The following GABRA3 variants were observed in gnomAD, a reference collection of about 807,000 sequenced individuals.
GABRA3 encodes gamma-aminobutyric acid type A receptor subunit alpha3.
A neutral mutation model predicts 30.1 loss-of-function variants in GABRA3; 10 were observed. That is an observed-to-expected ratio of 0.33 (90% CI 0.20 to 0.56). GABRA3 has a LOEUF of 0.56. Among genes scored for constraint, GABRA3 ranks in the 20% least tolerant of loss-of-function variants. The pLI is 0.89. For missense variants in GABRA3, 233 were observed against 392.0 expected (o/e 0.59, Z 3.42); for synonymous variants, 151 against 146.8 (o/e 1.03, Z -0.21).
chrX:152,449,632 C>G (rs751254458), intron 1 of GABRA3, among the ~76,000 whole-genome samples: 2 of 111,009 alleles, frequency 1.8e-5, no homozygotes, highest in Admixed American at 9.6e-5. Context: ...TTACTCTACA[C>G]GAAAGCCAGG....
In GABRA3 at chrX:152,397,547, T is replaced by G. The variant is rs186989699; in HGVS notation, c.-26-32951A>C. On this transcript the variant is annotated intron_variant, in intron 1 of 9. Coordinates refer to ENST00000370314, the MANE Select transcript of GABRA3 (RefSeq NM_000808.4). ...AAACAAACTCTACTTATTACTACCC[T>G]CTTAAAGTCCTCTTCACTCCAGACT... Among the ~76,000 whole-genome samples, 44 of 111,640 alleles carry G rather than the reference T, an allele frequency of 3.9e-4. No individual in the cohort carries two copies. In the East Asian group the frequency reaches 0.011, roughly 28 times the overall value.
At chrX:152,206,544 G>C in intron 7 of GABRA3, among the ~76,000 whole-genome samples, 1 of 111,710 alleles carries the variant, frequency 9.0e-6, no homozygotes, top group Middle Eastern at 4.6e-3. Flanking sequence ...CAATGCCCCT[G>C]CTTCACCTTC....
At chrX:152,328,684 T>C (rs1461042096) in intron 3 of GABRA3, among the ~76,000 whole-genome samples, 3 of 111,710 alleles carry the variant, frequency 2.7e-5, no homozygotes, top group African/African-American at 6.5e-5. Flanking sequence ...AAACTAGGTA[T>C]TGATGGAATG....
intron 1 of GABRA3, among the ~76,000 whole-genome samples, chrX:152,417,424 G>T (rs1930255709): frequency 9.1e-6 from 1 of 110,373 alleles, no homozygotes; most frequent in African/African-American, 3.3e-5. Context: ...TACACTGTTG[G>T]TGGGACTGTA....
At chrX:152,289,805 C>T (rs1438527063) in intron 3 of GABRA3, among the ~76,000 whole-genome samples, 13 of 110,930 alleles carry the variant, frequency 1.2e-4, no homozygotes, top group Admixed American at 1.2e-3. Context: ...CTCAGAATGA[C>T]GGTTTCCAGC....
chrX:152,410,293 T>C, intron 1 of GABRA3, among the ~76,000 whole-genome samples: 1 of 111,018 alleles, frequency 9.0e-6, no homozygotes, highest in Non-Finnish European at 1.9e-5. Flanking sequence ...GAACAAGAGG[T>C]AGTATTTGAT....
chrX:152,298,962 T>G (rs1258421402), intron 3 of GABRA3, among the ~76,000 whole-genome samples: 2 of 111,756 alleles, frequency 1.8e-5, no homozygotes, highest in African/African-American at 6.5e-5. Context: ...ACTTCAATAT[T>G]TAAAATATTA....
intron 3 of GABRA3, among the ~76,000 whole-genome samples, chrX:152,327,934 C>T (rs1940092061): frequency 9.0e-6 from 1 of 110,848 alleles, no homozygotes; most frequent in Non-Finnish European, 1.9e-5. Flanking sequence ...GAAAGATCAA[C>T]AAAATTGATA....
At chrX:152,361,637 T>G (rs985416647) in intron 2 of GABRA3, among the ~76,000 whole-genome samples, 3 of 101,171 alleles carry the variant, frequency 3.0e-5, no homozygotes, top group East Asian at 3.0e-4. Flanking sequence ...TTTTTTGTGG[T>G]TTTTTTTTTT....
rs199519277 is a variant in GABRA3, at chrX:152,403,560, A to G, written c.-26-38964T>C. On this transcript the variant is annotated intron_variant, in intron 1 of 9. Coordinates refer to ENST00000370314, the MANE Select transcript of GABRA3 (RefSeq NM_000808.4). ...CTTGTGTGTGTGCACACGTGTGTGT[A>G]TGTGCACACGTGTGTGTGTGTGTGT... 4.2e-4 allele frequency among the ~76,000 whole-genome samples: 22 copies of G among 52,666 alleles called. No individual in the cohort carries two copies. The Admixed American group carries it at 4.6e-3, about 11-fold the overall frequency. 45.7% of individuals were successfully genotyped at this position (52,666 alleles called of 115,157 possible). A position where few individuals can be genotyped will look rare whatever the true frequency, so the allele number is the denominator to read the frequency against.
intron 3 of GABRA3, among the ~76,000 whole-genome samples, chrX:152,296,384 A>G (rs977251938): frequency 8.9e-6 from 1 of 112,055 alleles, no homozygotes; most frequent in Non-Finnish European, 1.9e-5. Flanking sequence ...TTGGGGACTA[A>G]GATACTATAA....
At chrX:152,272,368 A>G (rs777835160) in intron 4 of GABRA3, among the ~76,000 whole-genome samples, 1 of 112,518 alleles carries the variant, frequency 8.9e-6, no homozygotes, top group East Asian at 2.8e-4. Context: ...TGACTGCCCT[A>G]TTGGATTTTG....
chrX:152,408,361 T>C (rs953940470), intron 1 of GABRA3, among the ~76,000 whole-genome samples: 4 of 111,714 alleles, frequency 3.6e-5, no homozygotes, highest in Non-Finnish European at 7.5e-5. Context: ...AACTGATTTT[T>C]AAAAACTCAG....
intron 3 of GABRA3, among the ~76,000 whole-genome samples, chrX:152,337,004 CAG>C (rs1190343224): frequency 9.0e-6 from 1 of 111,497 alleles, no homozygotes; most frequent in African/African-American, 3.3e-5. Context: ...GTTATGGTTG[CAG>C]AGTGTTTGGT....
At chrX:152,402,261 G>A (rs1312105672) in intron 1 of GABRA3, among the ~76,000 whole-genome samples, 2 of 111,749 alleles carry the variant, frequency 1.8e-5, no homozygotes, top group African/African-American at 3.3e-5. Flanking sequence ...TGCAGACTGT[G>A]CCAACGCCTT....
intron 1 of GABRA3, among the ~76,000 whole-genome samples, chrX:152,428,607 A>G (rs1930571118): frequency 9.0e-6 from 1 of 111,394 alleles, no homozygotes; most frequent in Non-Finnish European, 1.9e-5. Context: ...TAGCATAGAT[A>G]CTGCCCAGGA....
chrX:152,349,172 C>T (rs1172147661), intron 2 of GABRA3, among the ~76,000 whole-genome samples: 1 of 111,315 alleles, frequency 9.0e-6, no homozygotes, highest in African/African-American at 3.3e-5. Context: ...AGCATCTTTA[C>T]TAGGAGTAGA....
intron 8 of GABRA3, among the ~76,000 whole-genome samples, chrX:152,195,216 C>A (rs746993322): frequency 4.5e-5 from 5 of 111,748 alleles, no homozygotes; most frequent in Non-Finnish European, 9.4e-5. Context: ...TAATGTGAGG[C>A]CAAGTTTGAA....
intron 3 of GABRA3, among the ~76,000 whole-genome samples, chrX:152,301,003 T>A (rs777633746): frequency 8.9e-6 from 1 of 111,901 alleles, no homozygotes; most frequent in South Asian, 3.7e-4. Context: ...ATAGACTACA[T>A]CAATGTACAG....
Sources: gnomAD v4.1 joint callset for allele counts (sites outside exome capture counted in the v4.1 genomes callset) on GRCh38, gnomAD v4.1.1 for gene constraint, MANE v1.5 for transcripts, NCBI Gene and HGNC (gene_info 2026-07-23, HGNC 2026-07-21) for gene names.